TSNARE1: variants seen among roughly 807,000 people sequenced by gnomAD.
TSNARE1 encodes t-SNARE domain containing 1.
Under a neutral mutation model 62.0 loss-of-function variants are expected in TSNARE1, and 49 were observed. That is an observed-to-expected ratio of 0.79 (90% CI 0.63 to 1.00). The LOEUF (loss-of-function observed/expected upper bound fraction) is 1.00. Among genes scored for constraint, TSNARE1 ranks in the 50% least tolerant of loss-of-function variants. TSNARE1 has a pLI of 0.00. For synonymous variants in TSNARE1, 328 were observed against 294.4 expected (o/e 1.11, Z -1.17); for missense variants, 755 against 700.1 (o/e 1.08, Z -0.88).
At chr8:142,301,280 G>A (rs1451629610) in intron 9 of TSNARE1, among the ~76,000 whole-genome samples, 2 of 91,528 alleles carry the variant, frequency 2.2e-5, no homozygotes, top group Admixed American at 1.4e-4. Context: ...TCAGGAGCCC[G>A]CAGTGCCCCC....
At chr8:142,251,557 T>A (rs1213707393) in intron 12 of TSNARE1, among the ~76,000 whole-genome samples, 2 of 152,114 alleles carry the variant, frequency 1.3e-5, no homozygotes, top group Admixed American at 1.3e-4. Flanking sequence ...TCTGGCACCC[T>A]CTGTATTCTG....
intron 12 of TSNARE1, among the ~76,000 whole-genome samples, chr8:142,249,669 G>T (rs930304525): frequency 6.6e-6 from 1 of 152,056 alleles, no homozygotes; most frequent in Admixed American, 6.5e-5. Context: ...CAGGCAGGCC[G>T]TCCGCGTCAG....
At chr8:142,272,938 A>G in intron 12 of TSNARE1, 1 of 985,438 alleles carries the variant, frequency 1.0e-6, no homozygotes, top group Non-Finnish European at 1.2e-6. Flanking sequence ...TGCAGAGGCA[A>G]CTTCACAGAT....
intron 1 of TSNARE1, among the ~76,000 whole-genome samples, chr8:142,394,152 G>A (rs982813573): frequency 6.6e-6 from 1 of 152,228 alleles, no homozygotes; most frequent in African/African-American, 2.4e-5. Flanking sequence ...TGGGCCCCAC[G>A]CTTATGCCTG....
upstream of TSNARE1, chr8:142,405,882 C>G (rs1220022062): frequency 6.6e-6 from 1 of 152,508 alleles, no homozygotes; most frequent in Non-Finnish European, 1.5e-5. Flanking sequence ...CCCACCAACC[C>G]CGCCGAGCCG....
intron 13 of TSNARE1, among the ~76,000 whole-genome samples, chr8:142,218,253 G>A (rs1277249069): frequency 7.2e-5 from 11 of 151,988 alleles, no homozygotes; most frequent in Non-Finnish European, 1.5e-4. Flanking sequence ...AGTGTGACCG[G>A]GATCAGGCTC....
intron 1 of TSNARE1, among the ~76,000 whole-genome samples, chr8:142,395,517 G>A (rs1837835686): frequency 6.6e-6 from 1 of 152,220 alleles, no homozygotes; most frequent in Non-Finnish European, 1.5e-5. Flanking sequence ...AGCCCATGGA[G>A]CACCGCAGAT....
chr8:142,244,691 G>A (rs934279964), intron 12 of TSNARE1, among the ~76,000 whole-genome samples: 6 of 152,236 alleles, frequency 3.9e-5, no homozygotes, highest in African/African-American at 1.4e-4. Context: ...GTGGAGGCCA[G>A]CCCAACCAGG....
intron 7 of TSNARE1, among the ~76,000 whole-genome samples, chr8:142,317,885 G>A (rs1828830328): frequency 6.6e-6 from 1 of 152,168 alleles, no homozygotes; most frequent in African/African-American, 2.4e-5. Flanking sequence ...TTGAACCCTG[G>A]GGGCAGAAGC....
intron 1 of TSNARE1, among the ~76,000 whole-genome samples, chr8:142,364,878 T>A (rs1835420591): frequency 6.6e-6 from 1 of 151,972 alleles, no homozygotes; most frequent in Non-Finnish European, 1.5e-5. Context: ...TTCTTTAGAG[T>A]AGAAAGCCAG....
intron 13 of TSNARE1, among the ~76,000 whole-genome samples, chr8:142,226,611 T>C (rs1015401710): frequency 6.6e-6 from 1 of 152,040 alleles, no homozygotes; most frequent in African/African-American, 2.4e-5. Context: ...TCAGCCCCAC[T>C]CCTCTGGCTA....
intron 12 of TSNARE1, among the ~76,000 whole-genome samples, chr8:142,237,599 C>T (rs1379664541): frequency 1.3e-5 from 2 of 152,232 alleles, no homozygotes; most frequent in Admixed American, 6.5e-5. Flanking sequence ...CTGAGGATGG[C>T]AGAGATGACT....
chr8:142,359,169 A>T (rs1354768209), intron 1 of TSNARE1, among the ~76,000 whole-genome samples: 6 of 150,886 alleles, frequency 4.0e-5, no homozygotes, highest in African/African-American at 1.5e-4. Context: ...TTCTCAACCC[A>T]GCTGTCCCAC....
At chr8:142,277,330 A>G (rs1404877627) in intron 11 of TSNARE1, 1 of 985,238 alleles carries the variant, frequency 1.0e-6, no homozygotes, top group Admixed American at 6.1e-5. Flanking sequence ...GCAGAGCAGC[A>G]CACACACCTC....
In TSNARE1 at chr8:142,356,231, G is replaced by A. The variant is rs563013944; in HGVS notation, c.-39-1468C>T. On this transcript the variant is annotated intron_variant, in intron 1 of 13. Coordinates refer to ENST00000524325, the MANE Select transcript of TSNARE1 (RefSeq NM_145003.5). Reference sequence around the variant, plus strand: ...GCGCAGGCCTTGTTCTGCCCAGGGCGCACGAAAACACCCGGCCCCACGCAG... The same window carrying A: ...GCGCAGGCCTTGTTCTGCCCAGGGCACACGAAAACACCCGGCCCCACGCAG... Among the ~76,000 whole-genome samples the A allele has an allele frequency of 9.1e-4, 139 of 152,296 alleles. 1 individual carries two copies. The highest frequency in any genetic ancestry group is 3.2e-3 in the African/African-American group (135 of 41,558).
intron 1 of TSNARE1, among the ~76,000 whole-genome samples, chr8:142,378,103 G>A (rs1482906554): frequency 1.3e-5 from 2 of 152,218 alleles, no homozygotes; most frequent in Non-Finnish European, 2.9e-5. Flanking sequence ...CTGGAAAGGC[G>A]CAGCCCCAAG....
At chr8:142,213,111 C>G (rs1815653486) in intron 13 of TSNARE1, among the ~76,000 whole-genome samples, 1 of 17,002 alleles carries the variant, frequency 5.9e-5, no homozygotes, top group Non-Finnish European at 1.3e-4. Context: ...CTCCCTCCCC[C>G]TCCCCACCTT....
chr8:142,356,472 C>T (rs866570175), intron 1 of TSNARE1, among the ~76,000 whole-genome samples: 2 of 152,126 alleles, frequency 1.3e-5, no homozygotes, highest in Non-Finnish European at 2.9e-5. Flanking sequence ...CCAGGAGCCC[C>T]GAGTGAGAGG....
chr8:142,283,629 T>C (rs1185136546), intron 11 of TSNARE1, among the ~76,000 whole-genome samples: 4 of 143,900 alleles, frequency 2.8e-5, no homozygotes, highest in East Asian at 2.1e-4. Context: ...GCAGGGACAG[T>C]GTCAATGAAC....
Sources: gnomAD v4.1 joint callset for allele counts (sites outside exome capture counted in the v4.1 genomes callset) on GRCh38, gnomAD v4.1.1 for gene constraint, MANE v1.5 for transcripts, NCBI Gene and HGNC (gene_info 2026-07-23, HGNC 2026-07-21) for gene names.